Variants in UNC13C observed in about 807,000 individuals in gnomAD.
UNC13C encodes protein unc-13 homolog C.
UNC13C carries 174 observed loss-of-function variants against 245.4 expected under a neutral mutation model. The ratio of observed to expected loss-of-function variants is 0.71; its 90% confidence interval spans 0.63 to 0.80. The LOEUF (loss-of-function observed/expected upper bound fraction) is 0.80. Among genes scored for constraint, UNC13C ranks in the 30% least tolerant of loss-of-function variants. The probability of loss-of-function intolerance (pLI) is 0.00; values close to 1 mark genes in which losing one functional copy is unlikely to be tolerated. For synonymous variants in UNC13C, 992 were observed against 895.1 expected, an observed-to-expected ratio of 1.11 and a Z score of -1.93; for missense variants, 2,829 against 2,602.9, an observed-to-expected ratio of 1.09 and a Z score of -1.89.
intron 4 of UNC13C, among the ~76,000 whole-genome samples, chr15:54,226,322 G>A (rs1005024728): frequency 2.6e-4 from 39 of 152,152 alleles, no homozygotes; most frequent in Non-Finnish European, 5.9e-5. Context: ...CTCATAAAAT[G>A]AGTTAGGGAT....
At chr15:54,085,711 T>G (rs922166139) in intron 2 of UNC13C, among the ~76,000 whole-genome samples, 1 of 152,152 alleles carries the variant, frequency 6.6e-6, no homozygotes, top group Non-Finnish European at 1.5e-5. Flanking sequence ...CCTCCCAAAG[T>G]GCCTTTTAAA....
At position 54,393,071 on chromosome 15, in the gene UNC13C, T is replaced by A. The variant is rs1192217083; in HGVS notation, c.4737T>A (p.Arg1579=). 2 of 1,607,148 alleles carry A rather than the reference T, an allele frequency of 1.2e-6. No homozygotes were observed. The highest frequency in any genetic ancestry group is 3.4e-5 in the Admixed American group (2 of 58,212). ...AGAGTAAGAAACAGGATATTCCTCG[T>A]GAAGATCAGGGACCAACCACCAAGA... ...TDPSKKQDIP[R]EDQGPTTKNL... Residue 1579 remains arginine, a synonymous_variant, in exon 18 of 33, where the codon CGT becomes CGA. Transcript: ENST00000260323.
intron 30 of UNC13C, among the ~76,000 whole-genome samples, chr15:54,603,882 A>G (rs1046721009): frequency 1.1e-4 from 16 of 152,150 alleles, no homozygotes; most frequent in Non-Finnish European, 2.1e-4. Flanking sequence ...CTGTCTAGAT[A>G]GACTTTATTG....
At chr15:54,016,289 A>G (rs1169830086) in intron 2 of UNC13C, among the ~76,000 whole-genome samples, 2 of 152,178 alleles carry the variant, frequency 1.3e-5, no homozygotes, top group Admixed American at 6.5e-5. Flanking sequence ...AGGGATGGAG[A>G]AAAAGGTGTA....
intron 8 of UNC13C, among the ~76,000 whole-genome samples, 157 bp downstream of exon 8, chr15:54,250,601 C>T (rs1393652733): frequency 6.6e-6 from 1 of 152,082 alleles, no homozygotes; most frequent in Non-Finnish European, 1.5e-5. Flanking sequence ...CATCAAATCA[C>T]AGTTGATGAT....
At chr15:54,614,111 G>A (rs1244973811) in intron 30 of UNC13C, among the ~76,000 whole-genome samples, 5 of 151,884 alleles carry the variant, frequency 3.3e-5, no homozygotes, top group Non-Finnish European at 5.9e-5. Context: ...TAATGTTCGT[G>A]TTCTTCTCTT....
At chr15:54,612,772 A>C (rs1403295433) in intron 30 of UNC13C, among the ~76,000 whole-genome samples, 5 of 151,990 alleles carry the variant, frequency 3.3e-5, no homozygotes, top group Non-Finnish European at 7.4e-5. Flanking sequence ...AATATGAATG[A>C]GGTTTGAATA....
intron 28 of UNC13C, among the ~76,000 whole-genome samples, chr15:54,551,826 C>A (rs1430121326): frequency 6.6e-6 from 1 of 151,778 alleles, no homozygotes; most frequent in African/African-American, 2.4e-5. Context: ...AGCAATAAAT[C>A]TCCTACAGTA....
intron 4 of UNC13C, among the ~76,000 whole-genome samples, chr15:54,212,988 TAATG>T (rs2034931441): frequency 6.6e-6 from 1 of 152,044 alleles, no homozygotes; most frequent in Admixed American, 6.6e-5. Context: ...ATTAGAGACA[TAATG>T]AATCTATTTG....
intron 30 of UNC13C, among the ~76,000 whole-genome samples, chr15:54,610,383 C>T (rs1336642417): frequency 2.6e-5 from 4 of 152,030 alleles, no homozygotes; most frequent in Admixed American, 6.6e-5. Context: ...TACAGGCACA[C>T]ACCAACATGC....
At position 54,595,486 on chromosome 15, in the gene UNC13C, G is replaced by T. The variant is rs146669429; in HGVS notation, c.6107-26841G>T. 4.3e-4 allele frequency among the ~76,000 whole-genome samples: 66 copies of T among 152,278 alleles called. 1 individual carries two copies. The East Asian group carries it at 0.01, about 24-fold the overall frequency. Reference sequence around the variant, plus strand: ...GGGGTCTGTGGTTCCTCTCAGGATTGCTGGTTTGTTCTTGCAGTTCATCTG... The same window carrying T: ...GGGGTCTGTGGTTCCTCTCAGGATTTCTGGTTTGTTCTTGCAGTTCATCTG... On this transcript the variant is annotated intron_variant, in intron 30 of 32. Transcript: ENST00000260323.
intron 29 of UNC13C, among the ~76,000 whole-genome samples, chr15:54,557,218 T>C (rs949670806): frequency 7.2e-5 from 11 of 151,956 alleles, no homozygotes; most frequent in Non-Finnish European, 1.3e-4. Context: ...AGTCTGACTC[T>C]GGTCCTCCTG....
chr15:54,167,295 G>T (rs958913158), intron 4 of UNC13C, among the ~76,000 whole-genome samples: 5 of 151,988 alleles, frequency 3.3e-5, no homozygotes, highest in Admixed American at 3.3e-4. Context: ...GAGGTCAGGA[G>T]ATCGAGACCA....
At chr15:54,358,861 G>A (rs8030918) in intron 17 of UNC13C, among the ~76,000 whole-genome samples, 1 of 151,678 alleles carries the variant, frequency 6.6e-6, no homozygotes, top group Non-Finnish European at 1.5e-5. Context: ...TTGAATAAAA[G>A]CAGTGAAAGT....
At chr15:54,433,604 A>G (rs1315945118) in intron 19 of UNC13C, among the ~76,000 whole-genome samples, 1 of 152,124 alleles carries the variant, frequency 6.6e-6, no homozygotes, top group African/African-American at 2.4e-5. Context: ...AGAGCTATTT[A>G]TGACAAACTT....
the UNC13C span, among the ~76,000 whole-genome samples, chr15:53,925,987 G>A: frequency 6.6e-6 from 1 of 152,056 alleles, no homozygotes; most frequent in African/African-American, 2.4e-5. Flanking sequence ...AAACCCCAGT[G>A]GGAACACAAC....
chr15:53,880,488 A>C, the UNC13C span, among the ~76,000 whole-genome samples: 62,282 of 152,024 alleles, frequency 0.41, 13,067 homozygotes, highest in Middle Eastern at 0.51. Context: ...GCAGTGATTT[A>C]GAATACAACG....
At chr15:54,631,372 C>T (rs1596721398), downstream of UNC13C, 1 of 152,144 alleles carries the variant, frequency 6.6e-6, no homozygotes, top group South Asian at 2.1e-4. Context: ...TTTTAATTTG[C>T]ATATACTAAA....
intron 2 of UNC13C, among the ~76,000 whole-genome samples, chr15:54,084,893 T>C (rs1899150891): frequency 6.6e-6 from 1 of 152,182 alleles, no homozygotes; most frequent in African/African-American, 2.4e-5. Context: ...AAAAATGATC[T>C]TTATTTTGCA....
Sources: gnomAD v4.1 joint callset for allele counts (sites outside exome capture counted in the v4.1 genomes callset) on GRCh38, gnomAD v4.1.1 for gene constraint, MANE v1.5 for transcripts, NCBI Gene and HGNC (gene_info 2026-07-23, HGNC 2026-07-21) for gene names.